The following ARMCX4 variants were observed in gnomAD, a reference collection of about 807,000 sequenced individuals.
The protein encoded by ARMCX4 is armadillo repeat containing X-linked 4.
In ARMCX4, 3 loss-of-function variants were observed where a neutral mutation model predicts 34.7. The observed-to-expected ratio is 0.09, with a 90% confidence interval of 0.04 to 0.22. ARMCX4 has a LOEUF of 0.22. ARMCX4 is among the 10% of genes least tolerant of loss of function. The pLI is 1.00. For synonymous variants in ARMCX4, 513 were observed against 632.8 expected (o/e 0.81, Z 2.84); for missense variants, 1,448 against 1,720.8 (o/e 0.84, Z 2.81).
At position 101,443,510 on chromosome X, in the gene ARMCX4, A is replaced by C. The variant is rs1931439276; in HGVS notation, n.165-542A>C. ...ATTTTTGTTATTTAGTTTTTATTTCATAATCATAAACTTAACTGCAATACA... is the reference window on the plus strand; with the variant it reads ...ATTTTTGTTATTTAGTTTTTATTTCCTAATCATAAACTTAACTGCAATACA... On this transcript the variant is annotated intron_variant and non_coding_transcript_variant, in intron 2 of 3. Coordinates refer to the ARMCX4 transcript ENST00000430461. Among the ~76,000 whole-genome samples, 5 of 112,218 alleles carry C rather than the reference A, an allele frequency of 4.5e-5. No homozygotes were observed. In the Admixed American group the frequency reaches 4.7e-4, roughly 11 times the overall value.
At position 101,495,697 on chromosome X, in the gene ARMCX4, G is replaced by C. The variant is rs1167594286; in HGVS notation, c.*235G>C. 3.0e-5 allele frequency: 9 copies of C among 295,491 alleles called. No homozygotes were observed. Among genetic ancestry groups the C allele is most frequent in the African/African-American group, 5.4e-5 (2 of 36,854 alleles). The allele number at this position is 295,491 out of a possible 1,213,427, so 24.4% of individuals were successfully genotyped here. A position where few individuals can be genotyped will look rare whatever the true frequency, so the allele number is the denominator to read the frequency against. On this transcript the variant is annotated 3_prime_UTR_variant, in exon 6 of 6. Transcript: ENST00000423738. ...ATGCTTCATGAGCAGAAACTGAATG[G>C]ATTCTTCATAAGTAAGGTAATCTTT...
chrX:101,490,354 C>T lies in ARMCX4; in HGVS notation c.1765C>T (p.Gln589Ter). Reference sequence around the variant, plus strand: ...TAAGGCAGACCAGAGGGTCTGTGGTCAGCCCCTGGTTGTGGCCAATCCCCA... The same window carrying T: ...TAAGGCAGACCAGAGGGTCTGTGGTTAGCCCCTGGTTGTGGCCAATCCCCA... ...GTKADQRVCG[Q>*]PLVVANPQGE... The change falls in exon 6 of 6, where the codon CAG becomes TAG. Residue 589 changes from glutamine to a stop codon, truncating the protein, a stop_gained. Transcript: ENST00000423738. LOFTEE classifies it low-confidence loss of function (END_TRUNC). The T allele has an allele frequency of 8.7e-7, 1 of 1,153,520 alleles. No homozygotes were observed. The highest frequency in any genetic ancestry group is 1.1e-6 in the Non-Finnish European group (1 of 871,998).
chrX:101,460,216 T>C (rs868955870), intron 4 of ARMCX4, among the ~76,000 whole-genome samples: 3 of 112,533 alleles, frequency 2.7e-5, no homozygotes, highest in Admixed American at 9.4e-5. Flanking sequence ...GCAGTGTACC[T>C]AGGCCCATGA....
At position 101,471,020 on chromosome X, in the gene ARMCX4, G is replaced by T. The variant is rs929727841; in HGVS notation, c.-472-15003G>T. On this transcript the variant is annotated intron_variant and NMD_transcript_variant, in intron 4 of 15. Transcript: ENST00000433011. The stretch of plus-strand genomic sequence containing the variant: ...TCTTTTGATTTCAGCCATTCTAGTG[G>T]AAGTGTGGTGGAATGTCATTGTGTT... 4.5e-5 allele frequency among the ~76,000 whole-genome samples: 5 copies of T among 112,177 alleles called. No homozygotes were observed. In the East Asian group the frequency reaches 1.4e-3, roughly 31 times the overall value.
intron 11 of ARMCX4, among the ~76,000 whole-genome samples, chrX:101,521,442 C>T (rs1934852136): frequency 9.0e-6 from 1 of 110,559 alleles, no homozygotes; most frequent in Non-Finnish European, 1.9e-5. Context: ...TTTGGGATCT[C>T]TCTCTTTTTC....
At chrX:101,485,040 G>C (rs1267679212), upstream of ARMCX4, among the ~76,000 whole-genome samples, 8 of 111,352 alleles carry the variant, frequency 7.2e-5, no homozygotes, top group Non-Finnish European at 1.5e-4. Flanking sequence ...GGCAGGTCGT[G>C]TAGGGGGCGG....
chrX:101,519,500 T>A (rs1475509034), intron 11 of ARMCX4, among the ~76,000 whole-genome samples: 1 of 111,756 alleles, frequency 8.9e-6, no homozygotes, highest in Non-Finnish European at 1.9e-5. Flanking sequence ...AAGGGCAGAA[T>A]TTCTTTCTTT....
At chrX:101,440,381 G>T (rs782661878) in intron 2 of ARMCX4, among the ~76,000 whole-genome samples, 1 of 111,963 alleles carries the variant, frequency 8.9e-6, no homozygotes, top group African/African-American at 3.2e-5. Flanking sequence ...GTGTCAGTCT[G>T]CCCCTGCTGG....
downstream of ARMCX4, chrX:101,499,237 G>A (rs191315106): frequency 1.8e-5 from 2 of 111,587 alleles, no homozygotes; most frequent in African/African-American, 6.5e-5. Flanking sequence ...AAAACCACAG[G>A]AAATGACACG....
At chrX:101,444,760 T>C (rs1160414253) in intron 3 of ARMCX4, among the ~76,000 whole-genome samples, 1 of 112,361 alleles carries the variant, frequency 8.9e-6, no homozygotes, top group African/African-American at 3.2e-5. Flanking sequence ...TTGATATATG[T>C]ATACAGTGTG....
At chrX:101,481,414 G>A (rs781817046), upstream of ARMCX4, among the ~76,000 whole-genome samples, 6 of 112,172 alleles carry the variant, frequency 5.3e-5, no homozygotes, top group Admixed American at 9.5e-5. Context: ...TGAGTGTTCC[G>A]AGCATTTTTA....
chrX:101,442,992 G>C (rs1555997319), intron 2 of ARMCX4, among the ~76,000 whole-genome samples: 1 of 109,566 alleles, frequency 9.1e-6, no homozygotes, highest in African/African-American at 3.3e-5. Flanking sequence ...TCAGAAGGGC[G>C]TGGTGGCAGG....
chrX:101,500,644 A>C (rs782497987), downstream of ARMCX4, among the ~76,000 whole-genome samples: 6 of 112,534 alleles, frequency 5.3e-5, no homozygotes, highest in Non-Finnish European at 1.1e-4. Context: ...CTACAGCAGA[A>C]AGCATGGCCT....
In ARMCX4 at chrX:101,489,938, A is replaced by G. The variant is rs1450335226; in HGVS notation, c.1349A>G (p.Asp450Gly). 4.3e-6 allele frequency: 5 copies of G among 1,153,830 alleles called. No homozygotes were observed. The African/African-American group carries it at 5.4e-5, about 12-fold the overall frequency. ...SQVEALPDARDKSRGNPNVMA... is the reference protein window; with the variant it reads ...SQVEALPDARGKSRGNPNVMA... ...GTTGAGGCCTTGCCTGATGCCAGGG[A>G]TAAGAGCAGAGGCAATCCCAATGTT... The change falls in exon 6 of 6, where the codon GAT becomes GGT. Residue 450 changes from aspartate (D) to glycine (G), a missense_variant. Asp to Gly is a moderately conservative substitution (Grantham distance 94). Around this residue, in one of 2 missense-constraint regions of ARMCX4, gnomAD observed 1,343 missense variants for 1,540.7 expected, o/e 0.87. Coordinates refer to ENST00000423738, the MANE Select transcript of ARMCX4 (RefSeq NM_001256155.3).
intron 5 of ARMCX4, 69 bp downstream of exon 5, chrX:101,488,168 C>A (rs1556007416): frequency 7.0e-6 from 3 of 427,867 alleles, no homozygotes; most frequent in Non-Finnish European, 1.1e-5. Context: ...AAGTCTGGGA[C>A]TTCTTGGTTG....
intron 2 of ARMCX4, among the ~76,000 whole-genome samples, chrX:101,425,961 G>T (rs2147513669): frequency 9.1e-6 from 1 of 110,277 alleles, no homozygotes; most frequent in Non-Finnish European, 1.9e-5. Context: ...GCTGGGATTA[G>T]AGGTGCGCAC....
Position 101,491,041 on chromosome X carries a change from G to A in ARMCX4, c.2452G>A (p.Ala818Thr), listed in dbSNP as rs1241466815. ...VRGNWNAVSK[A>T]GAGMDTRGSA... Reference sequence around the variant, plus strand: ...GGGAAATTGGAATGCTGTGTCTAAGGCAGGGGCTGGGATGGATACAAGGGG... The same window carrying A: ...GGGAAATTGGAATGCTGTGTCTAAGACAGGGGCTGGGATGGATACAAGGGG... Residue 818 changes from alanine (A) to threonine (T), a missense_variant, in exon 6 of 6, where the codon GCA becomes ACA. Physicochemically the swap from Ala to Thr is moderately conservative, Grantham distance 58 (BLOSUM62 0). Around this residue, in one of 2 missense-constraint regions of ARMCX4, gnomAD observed 1,343 missense variants for 1,540.7 expected, o/e 0.87. Coordinates refer to ENST00000423738, the MANE Select transcript of ARMCX4 (RefSeq NM_001256155.3). The A allele has an allele frequency of 1.6e-5, 18 of 1,150,539 alleles. No individual in the cohort carries two copies. Among genetic ancestry groups the A allele is most frequent in the Non-Finnish European group, 2.1e-5 (18 of 871,589 alleles). The allele number at this position is 1,150,539 out of a possible 1,213,427, so 94.8% of individuals were successfully genotyped here. A position where few individuals can be genotyped will look rare whatever the true frequency, so the allele number is the denominator to read the frequency against.
rs1933844558 is a variant in ARMCX4 at position 101,488,387 on chromosome X, T to A, written c.-146-57T>A. On this transcript the variant is annotated intron_variant, in intron 5 of 5. Coordinates refer to ENST00000423738, the MANE Select transcript of ARMCX4 (RefSeq NM_001256155.3). Reference sequence around the variant, plus strand: ...TTCTGTTCCTCTGTGTATCTATCTGTATGATGCAACAAAATCAGAAGAGAA... The same window carrying A: ...TTCTGTTCCTCTGTGTATCTATCTGAATGATGCAACAAAATCAGAAGAGAA... 4.8e-6 allele frequency: 5 copies of A among 1,034,101 alleles called. No individual in the cohort carries two copies. In the Admixed American group the frequency reaches 1.9e-4, roughly 39 times the overall value. The allele number at this position is 1,034,101 out of a possible 1,213,427, so 85.2% of individuals were successfully genotyped here.
intron 4 of ARMCX4, among the ~76,000 whole-genome samples, chrX:101,462,334 G>C (rs1162391366): frequency 9.0e-6 from 1 of 110,854 alleles, no homozygotes; most frequent in African/African-American, 3.3e-5. Context: ...TTGTAATCAG[G>C]AACATTTATT....
Sources: allele counts gnomAD v4.1 joint callset (sites outside exome capture counted in the v4.1 genomes callset), GRCh38; gene constraint gnomAD v4.1.1; regional missense constraint gnomAD v4.1.1; transcripts MANE v1.5; gene names NCBI Gene and HGNC (gene_info 2026-07-23, HGNC 2026-07-21).